Variants in SLC14A2 observed in about 807,000 individuals in gnomAD.
SLC14A2 encodes urea transporter 2.
SLC14A2 carries 91 observed loss-of-function variants against 104.6 expected under a neutral mutation model. The ratio of observed to expected loss-of-function variants is 0.87; its 90% CI spans 0.73 to 1.04. SLC14A2 has a LOEUF of 1.04. Among genes scored for constraint, SLC14A2 ranks in the 50% least tolerant of loss-of-function variants. SLC14A2 has a pLI of 0.00. For missense variants in SLC14A2, 1,189 were observed against 1,156.0 expected, an observed-to-expected ratio of 1.03 and a Z score of -0.41; for synonymous variants, 476 against 466.4, an observed-to-expected ratio of 1.02 and a Z score of -0.27.
intron 10 of SLC14A2, chr18:45,646,819 T>G (rs2045634292): frequency 6.6e-6 from 1 of 152,054 alleles, no homozygotes; most frequent in African/African-American, 2.4e-5. Context: ...AGCACCAACA[T>G]GAGGTTGCAT....
Position 45,624,824 on chromosome 18 carries a change from G to A in SLC14A2, c.150+10G>A. 6.2e-7 allele frequency: 1 copy of A among 1,607,696 alleles called. No homozygotes were observed. Reference sequence around the variant, plus strand: ...AATGCCTGAAGAAAAGGTGAGAAGTGTCCCTCCTAGGATGTTTCCTGGGAG... The same window carrying A: ...AATGCCTGAAGAAAAGGTGAGAAGTATCCCTCCTAGGATGTTTCCTGGGAG... On this transcript the variant is annotated intron_variant, in intron 2 of 19. Coordinates refer to ENST00000255226, the MANE Select transcript of SLC14A2 (RefSeq NM_007163.4).
At chr18:45,554,573 C>A (rs767927739) in intron 2 of SLC14A2, among the ~76,000 whole-genome samples, 1 of 151,934 alleles carries the variant, frequency 6.6e-6, no homozygotes, top group Non-Finnish European at 1.5e-5. Context: ...TTACTGTCTG[C>A]GCATGGCCAC....
the SLC14A2 span, among the ~76,000 whole-genome samples, chr18:45,188,622 GTCTTT>G: frequency 2.0e-5 from 3 of 152,112 alleles, no homozygotes; most frequent in African/African-American, 7.2e-5. Context: ...CTGCCTGAAT[GTCTTT>G]TCTTTCACCT....
intron 1 of SLC14A2, among the ~76,000 whole-genome samples, chr18:45,355,577 CAAAAAAAAA>C (rs768389823): frequency 2.0e-5 from 1 of 51,144 alleles, no homozygotes; most frequent in South Asian, 1.1e-3. Context: ...TACTCTGTCT[CAAAAAAAAA>C]AAAAAAAAAA....
chr18:45,423,402 AC>A (rs2086376690), intron 1 of SLC14A2, among the ~76,000 whole-genome samples: 1 of 152,074 alleles, frequency 6.6e-6, no homozygotes, highest in Admixed American at 6.6e-5. Context: ...TTTGCTCAGG[AC>A]CCCCTGTGTG....
chr18:45,618,813 C>A (rs1367375858), intron 1 of SLC14A2, among the ~76,000 whole-genome samples: 1 of 151,712 alleles, frequency 6.6e-6, no homozygotes, highest in Admixed American at 6.6e-5. Flanking sequence ...TAATTCACAC[C>A]AACAACTCAA....
intron 1 of SLC14A2, among the ~76,000 whole-genome samples, chr18:45,246,020 C>G (rs1360574543): frequency 1.3e-5 from 2 of 152,112 alleles, no homozygotes; most frequent in Admixed American, 6.5e-5. Context: ...TGTGTTTCCT[C>G]CTGGTCACAA....
intron 16 of SLC14A2, among the ~76,000 whole-genome samples, chr18:45,670,838 T>C (rs1046376385): frequency 6.6e-6 from 1 of 152,108 alleles, no homozygotes; most frequent in Non-Finnish European, 1.5e-5. Context: ...TTCTTTATAT[T>C]TTTTTGTAGA....
At chr18:45,478,509 G>A (rs1215806901) in intron 1 of SLC14A2, among the ~76,000 whole-genome samples, 2 of 152,160 alleles carry the variant, frequency 1.3e-5, no homozygotes, top group East Asian at 3.9e-4. Flanking sequence ...TTTGGTACTT[G>A]TTCTTTGTCT....
chr18:45,482,986 A>G (rs1435920873), intron 1 of SLC14A2, among the ~76,000 whole-genome samples: 1 of 152,194 alleles, frequency 6.6e-6, no homozygotes. Flanking sequence ...ACCGATAGAA[A>G]ATATATTTGC....
chr18:45,414,767 T>TATATATATATAC (rs2086257050), intron 1 of SLC14A2, among the ~76,000 whole-genome samples: 1 of 53,466 alleles, frequency 1.9e-5, no homozygotes, highest in East Asian at 9.5e-4. Context: ...AATATATATA[T>TATATATATATAC]ATATATATAT....
intron 1 of SLC14A2, among the ~76,000 whole-genome samples, chr18:45,213,615 A>C (rs1260558066): frequency 6.6e-6 from 1 of 152,236 alleles, no homozygotes; most frequent in African/African-American, 2.4e-5. Context: ...CAAAACGTTA[A>C]AGGTGACTGA....
At chr18:45,474,003 T>C (rs748666286) in intron 1 of SLC14A2, among the ~76,000 whole-genome samples, 79 of 152,346 alleles carry the variant, frequency 5.2e-4, no homozygotes, top group Admixed American at 7.8e-4. Flanking sequence ...AGTATGATAT[T>C]GGCTGTGGGT....
At chr18:45,544,978 T>C (rs957437851) in intron 2 of SLC14A2, among the ~76,000 whole-genome samples, 1 of 151,776 alleles carries the variant, frequency 6.6e-6, no homozygotes, top group Non-Finnish European at 1.5e-5. Context: ...TTTTAGTATA[T>C]AGATGGGATT....
intron 1 of SLC14A2, among the ~76,000 whole-genome samples, chr18:45,433,157 C>T (rs1222922114): frequency 3.3e-5 from 5 of 152,268 alleles, no homozygotes; most frequent in Middle Eastern, 3.4e-3. Context: ...CTGACCCCAA[C>T]ATTTACTACC....
At chr18:45,360,581 A>G (rs2085600719) in intron 1 of SLC14A2, among the ~76,000 whole-genome samples, 1 of 152,152 alleles carries the variant, frequency 6.6e-6, no homozygotes, top group African/African-American at 2.4e-5. Flanking sequence ...ATGTCTAAGG[A>G]TGGGACATGT....
chr18:45,218,787 C>T lies in SLC14A2; in HGVS notation c.-125+5596C>T, dbSNP rs571370090. Among the ~76,000 whole-genome samples the T allele has an allele frequency of 1.6e-4, 25 of 152,048 alleles. 1 individual carries two copies. In the South Asian group the frequency reaches 1.7e-3, roughly 10 times the overall value. The stretch of plus-strand genomic sequence containing the variant: ...GCTCATCCTAAAAAGATGCCCCGCA[C>T]GAAAGCAGTATGGAAGGTCAAATCG... On this transcript the variant is annotated intron_variant, in intron 1 of 20. Transcript: ENST00000586448.
chr18:45,227,202 A>G (rs1470177528), intron 1 of SLC14A2, among the ~76,000 whole-genome samples: 1 of 152,212 alleles, frequency 6.6e-6, no homozygotes, highest in Non-Finnish European at 1.5e-5. Flanking sequence ...TGAGGAATGC[A>G]GGAATTTATC....
the SLC14A2 span, among the ~76,000 whole-genome samples, chr18:45,183,623 C>T: frequency 2.0e-5 from 3 of 151,236 alleles, no homozygotes; most frequent in African/African-American, 7.3e-5. Flanking sequence ...TCCATCTGAG[C>T]CTTTTCTTTC....
Sources: gnomAD v4.1 joint callset for allele counts (sites outside exome capture counted in the v4.1 genomes callset) on GRCh38, gnomAD v4.1.1 for gene constraint, MANE v1.5 for transcripts, NCBI Gene and HGNC (gene_info 2026-07-23, HGNC 2026-07-21) for gene names.